SEC31A: variants seen among roughly 807,000 people sequenced by gnomAD.
The protein encoded by SEC31A is SEC31 homolog A, COPII component.
A neutral mutation model predicts 151.0 loss-of-function variants in SEC31A; 70 were observed. The observed-to-expected ratio is 0.46, with a 90% CI of 0.38 to 0.57. SEC31A has a LOEUF of 0.57. Among genes scored for constraint, SEC31A ranks in the 20% least tolerant of loss-of-function variants. SEC31A has a pLI of 0.00. For synonymous variants in SEC31A, 475 were observed against 505.9 expected (o/e 0.94, Z 0.82); for missense variants, 1,330 against 1,471.2 (o/e 0.90, Z 1.57).
At chr4:82,863,946 TAAAGTAAAAGG>T (rs1380950005) in intron 11 of SEC31A, among the ~76,000 whole-genome samples, 6 of 152,130 alleles carry the variant, frequency 3.9e-5, no homozygotes, top group Non-Finnish European at 2.9e-5. Flanking sequence ...TAACTCCTCT[TAAAGTAAAAGG>T]AAAAATGCCT....
In SEC31A at chr4:82,864,615, G is replaced by T; in HGVS notation, c.1198-17C>A. On this transcript the variant is annotated splice_polypyrimidine_tract_variant and intron_variant, in intron 10 of 26. Coordinates refer to ENST00000395310, the MANE Select transcript of SEC31A (RefSeq NM_001077207.4). Reference sequence around the variant, plus strand: ...GCCTCCAAACTATAAAAGAGAGAATGAACAAACTCAGTGTTAACCCAAGGA... The same window carrying T: ...GCCTCCAAACTATAAAAGAGAGAATTAACAAACTCAGTGTTAACCCAAGGA... 1 of 1,607,630 alleles carries T rather than the reference G, an allele frequency of 6.2e-7. No homozygotes were observed. Among genetic ancestry groups the T allele is most frequent in the South Asian group, 1.1e-5 (1 of 90,874 alleles).
intron 22 of SEC31A, among the ~76,000 whole-genome samples, chr4:82,838,193 G>A (rs1190457038): frequency 6.6e-6 from 1 of 152,170 alleles, no homozygotes; most frequent in Admixed American, 6.5e-5. Flanking sequence ...GAATGTTCAT[G>A]AAAATTTTTT....
At chr4:82,865,607 T>C (rs1426438390) in intron 10 of SEC31A, among the ~76,000 whole-genome samples, 1 of 142,706 alleles carries the variant, frequency 7.0e-6, no homozygotes, top group Non-Finnish European at 1.5e-5. Context: ...ATTTGGCCTC[T>C]AAAAAGAAGT....
chr4:82,881,650 T>G (rs1383217158), intron 2 of SEC31A, among the ~76,000 whole-genome samples: 1 of 152,222 alleles, frequency 6.6e-6, no homozygotes, highest in Non-Finnish European at 1.5e-5. Flanking sequence ...ATACAATTCC[T>G]GTGAAGGAAA....
chr4:82,881,049 C>T, intron 2 of SEC31A, 127 bp from the exon 3 acceptor site: 1 of 737,072 alleles, frequency 1.4e-6, no homozygotes, highest in Non-Finnish European at 2.2e-6. Flanking sequence ...TGCCATTGAG[C>T]AGATGCTTAA....
rs755126397 is a variant in SEC31A at position 82,861,614 on chromosome 4, G to GA, written c.1626+16dup. The GA allele has an allele frequency of 1.2e-3, 1,742 of 1,511,760 alleles. No individual in the cohort carries two copies. The highest frequency in any genetic ancestry group is 1.3e-3 in the Non-Finnish European group (1,442 of 1,101,508). 93.6% of individuals were successfully genotyped at this position (1,511,760 alleles called of 1,614,324 possible). A position where few individuals can be genotyped will look rare whatever the true frequency, so the allele number is the denominator to read the frequency against. ...ATCACAAATTTGTCCAATATAATAT[G>GA]AAAAAAAAATAAGTACCTCTCCCAA... On this transcript the variant is annotated intron_variant, in intron 14 of 26. Coordinates refer to ENST00000395310, the MANE Select transcript of SEC31A (RefSeq NM_001077207.4).
chr4:82,880,422 G>T (rs771179905), intron 3 of SEC31A, among the ~76,000 whole-genome samples: 1 of 150,638 alleles, frequency 6.6e-6, no homozygotes, highest in East Asian at 2.0e-4. Flanking sequence ...AAACCCTGTC[G>T]CTACTAAAGA....
At chr4:82,879,848 T>C (rs1276204478) in intron 3 of SEC31A, among the ~76,000 whole-genome samples, 6 of 152,216 alleles carry the variant, frequency 3.9e-5, no homozygotes, top group Non-Finnish European at 8.8e-5. Flanking sequence ...ACCTAGTGTA[T>C]TAGAAATCGT....
intron 10 of SEC31A, 87 bp downstream of exon 10, chr4:82,866,721 A>C (rs1735485317): frequency 8.7e-7 from 1 of 1,155,024 alleles, no homozygotes; most frequent in Non-Finnish European, 1.2e-6. Context: ...TTAAACCCTG[A>C]TTGCTTCCAT....
Position 82,827,349 on chromosome 4 carries a change from T to C in SEC31A, c.3291+20A>G. 6.2e-7 allele frequency: 1 copy of C among 1,608,080 alleles called. No individual in the cohort carries two copies. The highest frequency in any genetic ancestry group is 1.1e-5 in the South Asian group (1 of 90,620). On this transcript the variant is annotated intron_variant, in intron 24 of 26. Coordinates refer to ENST00000395310, the MANE Select transcript of SEC31A (RefSeq NM_001077207.4). ...AAACACAGCCATCTTCCCATTCCACTTCTACAAATTTACTGTTACCTGGAA... is the reference window on the plus strand; with the variant it reads ...AAACACAGCCATCTTCCCATTCCACCTCTACAAATTTACTGTTACCTGGAA...
chr4:82,878,624 A>G, intron 4 of SEC31A, 106 bp downstream of exon 4: 1 of 884,646 alleles, frequency 1.1e-6, no homozygotes, highest in Non-Finnish European at 1.8e-6. Context: ...CTGTATAGCC[A>G]CAGTTTTTTA....
chr4:82,858,380 C>G (rs553532362), intron 14 of SEC31A, among the ~76,000 whole-genome samples: 1 of 151,632 alleles, frequency 6.6e-6, no homozygotes, highest in Non-Finnish European at 1.5e-5. Flanking sequence ...CCCGTCTCTA[C>G]TAAAAATACA....
chr4:82,828,673 C>CAAAAAAAAAAAAAAAAAAAAAAAAAA (rs397994259), intron 23 of SEC31A, among the ~76,000 whole-genome samples: 2 of 44,114 alleles, frequency 4.5e-5, no homozygotes, highest in South Asian at 1.7e-3. Context: ...CAAAGTAACT[C>CAAAAAAAAAAAAAAAAAAAAAAAAAA]AAAAAAAAAA....
chr4:82,845,960 C>CG (rs1352912045), intron 20 of SEC31A, among the ~76,000 whole-genome samples: 1 of 152,088 alleles, frequency 6.6e-6, no homozygotes, highest in African/African-American at 2.4e-5. Flanking sequence ...CTATACTACA[C>CG]CATGTTGCTT....
intron 10 of SEC31A, 115 bp downstream of exon 10, chr4:82,866,693 T>C (rs982084715): frequency 2.0e-5 from 18 of 905,450 alleles, no homozygotes; most frequent in Non-Finnish European, 2.2e-5. Flanking sequence ...TACCCACAAG[T>C]ACATCTCAAA....
chr4:82,824,038 G>C (rs1387639895), intron 25 of SEC31A, among the ~76,000 whole-genome samples: 1 of 152,088 alleles, frequency 6.6e-6, no homozygotes, highest in East Asian at 1.9e-4. Flanking sequence ...ATAGGTTATT[G>C]TGAAGATTAA....
chr4:82,899,133 A>G (rs1439423265), intron 3 of SEC31A, among the ~76,000 whole-genome samples: 2 of 152,212 alleles, frequency 1.3e-5, no homozygotes, highest in Non-Finnish European at 2.9e-5. Context: ...TCATAATTCC[A>G]CTTACATGAA....
At chr4:82,844,578 A>G in intron 20 of SEC31A, 69 bp from the exon 21 acceptor site, 1 of 1,444,530 alleles carries the variant, frequency 6.9e-7, no homozygotes, top group Non-Finnish European at 9.5e-7. Context: ...ATGGAATTAC[A>G]ATCTCTGAAA....
chr4:82,840,592 AATACATC>A (rs1278074598), intron 22 of SEC31A, among the ~76,000 whole-genome samples: 1 of 152,212 alleles, frequency 6.6e-6, no homozygotes, highest in African/African-American at 2.4e-5. Context: ...CGTTCTGAGA[AATACATC>A]ATTAAATGAT....
Sources: gnomAD v4.1 joint callset for allele counts (sites outside exome capture counted in the v4.1 genomes callset) on GRCh38, gnomAD v4.1.1 for gene constraint, MANE v1.5 for transcripts, NCBI Gene and HGNC (gene_info 2026-07-23, HGNC 2026-07-21) for gene names.